The following MSR1 variants were observed in gnomAD, a reference collection of about 807,000 sequenced individuals.
MSR1 encodes the protein macrophage scavenger receptor types I and II.
Under a neutral mutation model 47.2 loss-of-function variants are expected in MSR1, and 53 were observed. That is an observed-to-expected ratio of 1.12 (90% confidence interval 0.90 to 1.41). The LOEUF (loss-of-function observed/expected upper bound fraction) is 1.41, where lower values mean the gene tolerates loss of function less well. Ranked by LOEUF, MSR1 falls within the 40% of genes most tolerant of loss-of-function variation. The pLI is 0.00. For missense variants in MSR1, 786 were observed against 546.9 expected, an observed-to-expected ratio of 1.44 and a Z score of -4.36; for synonymous variants, 239 against 185.6, an observed-to-expected ratio of 1.29 and a Z score of -2.34.
intron 8 of MSR1, among the ~76,000 whole-genome samples, chr8:16,132,674 A>T (rs146331059): frequency 6.6e-6 from 1 of 151,880 alleles, no homozygotes; most frequent in African/African-American, 2.4e-5. Context: ...TTTAGTACAG[A>T]CGGGTTTTGC....
intron 9 of MSR1, among the ~76,000 whole-genome samples, chr8:16,112,832 C>G (rs1799788204): frequency 6.6e-6 from 1 of 151,018 alleles, no homozygotes. Context: ...CTCTTCCTCT[C>G]TTTCTCTCTC....
chr8:16,174,850 C>A, intron 3 of MSR1, among the ~76,000 whole-genome samples: 1 of 152,100 alleles, frequency 6.6e-6, no homozygotes, highest in Non-Finnish European at 1.5e-5. Flanking sequence ...AAAATGAATA[C>A]TTTTAAAATT....
In MSR1 at chr8:16,134,368, A is replaced by G. The variant is rs141193908; in HGVS notation, c.1033+9190T>C. The stretch of plus-strand genomic sequence containing the variant: ...AGTGTTTTCCTAATACATATTTTCC[A>G]TGATTTTTTGAAGACCCCTTGCATT... On this transcript the variant is annotated intron_variant, in intron 8 of 9. Coordinates refer to ENST00000262101, the MANE Select transcript of MSR1 (RefSeq NM_138715.3). 2.3e-3 allele frequency among the ~76,000 whole-genome samples: 343 copies of G among 152,234 alleles called. 1 individual carries two copies. Among genetic ancestry groups the G allele is most frequent in the African/African-American group, 7.9e-3 (329 of 41,570 alleles).
intron 4 of MSR1, 31 bp from the exon 5 acceptor site, chr8:16,164,282 T>A: frequency 6.4e-7 from 1 of 1,570,476 alleles, no homozygotes; most frequent in Non-Finnish European, 8.8e-7. Flanking sequence ...TTCACAGCCT[T>A]TGTTACATAC....
chr8:16,115,123 G>A (rs569072841), intron 9 of MSR1, among the ~76,000 whole-genome samples: 66 of 152,190 alleles, frequency 4.3e-4, no homozygotes, highest in South Asian at 1.2e-3. Flanking sequence ...AGGTTGCGGT[G>A]AGCCGAGATT....
intron 8 of MSR1, among the ~76,000 whole-genome samples, chr8:16,129,853 T>C (rs936669381): frequency 6.6e-6 from 1 of 152,114 alleles, no homozygotes; most frequent in Admixed American, 6.5e-5. Context: ...GTCCAGTGCT[T>C]GAATTTGAGC....
chr8:16,122,896 G>A (rs969287859), intron 8 of MSR1, among the ~76,000 whole-genome samples: 2 of 131,656 alleles, frequency 1.5e-5, no homozygotes, highest in Non-Finnish European at 3.2e-5. Context: ...CCAGGCTGGA[G>A]TGTAGTGGCG....
chr8:16,168,365 G>C (rs1049937731), intron 4 of MSR1, 93 bp downstream of exon 4: 3 of 1,288,970 alleles, frequency 2.3e-6, no homozygotes, highest in Non-Finnish European at 3.4e-6. Flanking sequence ...ATGAAACAGG[G>C]TTTGCAACTT....
rs1448922520 is a variant in MSR1, at chr8:16,108,024, G to C, written c.*2061C>G. The C allele has an allele frequency of 2.0e-5, 3 of 151,536 alleles. No individual in the cohort carries two copies. The highest frequency in any genetic ancestry group is 4.4e-5 in the Non-Finnish European group (3 of 67,844). The allele number at this position is 151,536 out of a possible 1,614,324, so 9.4% of individuals were successfully genotyped here. On this transcript the variant is annotated 3_prime_UTR_variant, in exon 10 of 10. Coordinates refer to ENST00000262101, the MANE Select transcript of MSR1 (RefSeq NM_138715.3). ...CTCTCAAATACAAAAAGGATTTTTA[G>C]ATTACTTATTAAAGATATATCTATG...
chr8:16,154,218 A>G (rs548521142), intron 6 of MSR1, among the ~76,000 whole-genome samples: 1 of 152,122 alleles, frequency 6.6e-6, no homozygotes, highest in East Asian at 1.9e-4. Flanking sequence ...AATAAGATGA[A>G]GTACATGGTA....
At chr8:16,192,497 A>T (rs1057492347) in intron 1 of MSR1, 101 bp downstream of exon 1, 2 of 151,982 alleles carry the variant, frequency 1.3e-5, no homozygotes, top group Admixed American at 6.6e-5. Context: ...ACAAATATAT[A>T]TCACACACAT....
At chr8:16,128,527 A>G (rs1313053013) in intron 8 of MSR1, among the ~76,000 whole-genome samples, 1 of 152,160 alleles carries the variant, frequency 6.6e-6, no homozygotes, top group Non-Finnish European at 1.5e-5. Flanking sequence ...TGGGCTTTTA[A>G]TGTCAAGAAC....
intron 8 of MSR1, among the ~76,000 whole-genome samples, chr8:16,134,303 G>A (rs1440493834): frequency 6.6e-6 from 1 of 151,970 alleles, no homozygotes; most frequent in East Asian, 1.9e-4. Flanking sequence ...GTTATAATAA[G>A]CTAGCTTGTT....
At chr8:16,125,769 T>C (rs1182606467) in intron 8 of MSR1, among the ~76,000 whole-genome samples, 1 of 152,092 alleles carries the variant, frequency 6.6e-6, no homozygotes, top group East Asian at 1.9e-4. Flanking sequence ...TAAAAATTTT[T>C]AAAAGTTTTT....
intron 1 of MSR1, chr8:16,186,060 G>T: frequency 9.5e-7 from 1 of 1,050,326 alleles, no homozygotes; most frequent in African/African-American, 1.6e-5. Context: ...TGTTTTTCCT[G>T]TGTGGTAGAA....
At chr8:16,167,439 G>C (rs1019251950) in intron 4 of MSR1, among the ~76,000 whole-genome samples, 1 of 152,114 alleles carries the variant, frequency 6.6e-6, no homozygotes, top group Non-Finnish European at 1.5e-5. Flanking sequence ...CAGCTACATG[G>C]GAGGCTAAGG....
In MSR1 at chr8:16,140,786, G is replaced by C. The variant is rs1158151031; in HGVS notation, c.1033+2772C>G. ...GAGAGAGGTGATGGTGGAGTAATTG[G>C]AGTAAGAAGAGGTATGAGCATGGGA... On this transcript the variant is annotated intron_variant, in intron 8 of 9. Coordinates refer to ENST00000262101, the MANE Select transcript of MSR1 (RefSeq NM_138715.3). 3 of 1,470,076 alleles carry C rather than the reference G, an allele frequency of 2.0e-6. No individual in the cohort carries two copies. The African/African-American group carries it at 4.2e-5, about 21-fold the overall frequency. 91.1% of individuals were successfully genotyped at this position (1,470,076 alleles called of 1,614,324 possible). A position where few individuals can be genotyped will look rare whatever the true frequency, so the allele number is the denominator to read the frequency against.
intron 9 of MSR1, among the ~76,000 whole-genome samples, chr8:16,115,543 T>A (rs1799858761): frequency 6.6e-6 from 1 of 152,194 alleles, no homozygotes; most frequent in African/African-American, 2.4e-5. Context: ...ATCATAAAAC[T>A]TACTTTTCAA....
At chr8:16,127,731 T>C (rs1800161430) in intron 8 of MSR1, among the ~76,000 whole-genome samples, 1 of 152,204 alleles carries the variant, frequency 6.6e-6, no homozygotes, top group Non-Finnish European at 1.5e-5. Flanking sequence ...TGATTTACTT[T>C]GAACACCTGG....
Sources: allele counts gnomAD v4.1 joint callset (sites outside exome capture counted in the v4.1 genomes callset), GRCh38; gene constraint gnomAD v4.1.1; transcripts MANE v1.5; gene names NCBI Gene and HGNC (gene_info 2026-07-23, HGNC 2026-07-21).